Variants in TANC2 observed in about 807,000 individuals in gnomAD.
TANC2 encodes tetratricopeptide repeat, ankyrin repeat and coiled-coil containing 2, also known as protein TANC2.
Under a neutral mutation model 210.5 loss-of-function variants are expected in TANC2, and 26 were observed. The observed-to-expected ratio is 0.12, with a 90% confidence interval of 0.09 to 0.17. The LOEUF (loss-of-function observed/expected upper bound fraction) is 0.17, where lower values mean the gene tolerates loss of function less well. TANC2 is among the 10% of genes least tolerant of loss of function. The pLI, the probability that TANC2 is intolerant of heterozygous loss-of-function variation, is 1.00. For synonymous variants in TANC2, 931 were observed against 967.1 expected (o/e 0.96, Z 0.69); for missense variants, 2,129 against 2,608.9 (o/e 0.82, Z 4.01).
At chr17:63,314,342 A>G (rs184939935) in intron 9 of TANC2, 46 bp from the exon 10 acceptor site, 62 of 1,599,148 alleles carry the variant, frequency 3.9e-5, no homozygotes, top group Middle Eastern at 3.4e-4. Flanking sequence ...GTTTCTCTCA[A>G]TGTTGACAGT....
At position 63,418,404 on chromosome 17, in the gene TANC2, G is replaced by A. The variant is rs2048929361; in HGVS notation, c.4265G>A (p.Ser1422Asn). ...GCGAGAGCAAGGGCAAAACGCAGCA[G>A]CAGGTGAGGAGAGAGAGAGAGGGTG... The change falls in exon 27 of 28, where the codon AGC (serine) becomes AAC (asparagine). Residue 1422 changes from serine to asparagine, a missense_variant. Coordinates refer to ENST00000689528, the Ensembl canonical transcript of TANC2. The surrounding 1 kb of genome is among the most constrained non-coding windows in gnomAD (Gnocchi z 4.6). 1.2e-6 allele frequency: 2 copies of A among 1,611,168 alleles called. No individual in the cohort carries two copies. Among genetic ancestry groups the A allele is most frequent in the Non-Finnish European group, 8.5e-7 (1 of 1,178,656 alleles).
chr17:63,044,537 G>T (rs911807117), intron 2 of TANC2, among the ~76,000 whole-genome samples: 1 of 151,720 alleles, frequency 6.6e-6, no homozygotes, highest in Non-Finnish European at 1.5e-5. Flanking sequence ...GGTCTTTTTT[G>T]TGTGTGTGAT....
At chr17:63,029,846 T>A (rs991479724) in intron 2 of TANC2, among the ~76,000 whole-genome samples, 3 of 152,144 alleles carry the variant, frequency 2.0e-5, no homozygotes, top group Non-Finnish European at 2.9e-5. Flanking sequence ...AAGTTAATAG[T>A]GGTCCAAATA....
intron 14 of TANC2, among the ~76,000 whole-genome samples, 193 bp downstream of exon 14, chr17:63,355,583 C>A (rs1010520344): frequency 6.6e-6 from 1 of 152,154 alleles, no homozygotes; most frequent in African/African-American, 2.4e-5. Context: ...CCTTAAGACT[C>A]AACATCTGCA....
chr17:63,056,031 G>A (rs1182914183), intron 2 of TANC2, among the ~76,000 whole-genome samples: 1 of 108,362 alleles, frequency 9.2e-6, no homozygotes, highest in Non-Finnish European at 1.9e-5. Context: ...ATATGCCAGG[G>A]GTGGTGGCTC....
rs16946906 is a variant in TANC2, at chr17:63,399,217, A to T, written c.3331+303A>T. On this transcript the variant is annotated intron_variant, in intron 19 of 27. Transcript: ENST00000689528. ...ACAATGTGCCAAACCAGAGCAGAAA[A>T]TTATTGTGGCCTGTCTCCTTTTTAT... The T allele has an allele frequency of 2.6e-3, 473 of 181,876 alleles. 1 individual carries two copies. The highest frequency in any genetic ancestry group is 0.011 in the African/African-American group (456 of 42,682). 11.3% of individuals were successfully genotyped at this position (181,876 alleles called of 1,614,324 possible).
At chr17:63,341,583 T>A (rs1194777148) in intron 12 of TANC2, among the ~76,000 whole-genome samples, 1 of 152,204 alleles carries the variant, frequency 6.6e-6, no homozygotes, top group Non-Finnish European at 1.5e-5. Flanking sequence ...AATTTATAAC[T>A]CCTCATTGCT....
chr17:63,046,763 C>T (rs1027025767), intron 2 of TANC2, among the ~76,000 whole-genome samples: 1 of 151,898 alleles, frequency 6.6e-6, no homozygotes, highest in Admixed American at 6.6e-5. Context: ...TATGCATAAC[C>T]AGTAAAGACA....
intron 7 of TANC2, among the ~76,000 whole-genome samples, chr17:63,236,095 TA>T (rs1334509765): frequency 6.6e-6 from 1 of 152,064 alleles, no homozygotes; most frequent in Non-Finnish European, 1.5e-5. Context: ...TATTTTATTC[TA>T]ATTCTTTGTT....
At chr17:63,167,150 ATCT>A (rs923716395) in intron 5 of TANC2, among the ~76,000 whole-genome samples, 17 of 152,180 alleles carry the variant, frequency 1.1e-4, no homozygotes, top group African/African-American at 3.9e-4. Flanking sequence ...ACTAACTTTG[ATCT>A]AAGTTTGAAC....
intron 2 of TANC2, among the ~76,000 whole-genome samples, chr17:63,016,375 G>C (rs1034993754): frequency 6.6e-6 from 1 of 152,194 alleles, no homozygotes; most frequent in Admixed American, 6.5e-5. Context: ...AGCACTTCGA[G>C]ACCAGCCTGG....
chr17:63,331,593 A>C (rs1204556892), intron 11 of TANC2, among the ~76,000 whole-genome samples: 2 of 152,224 alleles, frequency 1.3e-5, no homozygotes, highest in African/African-American at 4.8e-5. Context: ...AAAATCACTC[A>C]GCATTAGATC....
chr17:63,210,190 C>T (rs1036809317), intron 7 of TANC2, among the ~76,000 whole-genome samples: 1 of 152,206 alleles, frequency 6.6e-6, no homozygotes, highest in Admixed American at 6.5e-5. Context: ...AAGGCTGACT[C>T]TCAGCCTTTC....
intron 2 of TANC2, among the ~76,000 whole-genome samples, chr17:63,067,437 T>C (rs960157756): frequency 4.6e-5 from 7 of 152,060 alleles, no homozygotes; most frequent in Non-Finnish European, 7.4e-5. Flanking sequence ...TGAAAAGTCT[T>C]AAATTTTTAT....
In TANC2 at chr17:63,104,388, A is replaced by C. The variant is rs562931319; in HGVS notation, c.322+5031A>C. ...ATTTACCCATTATGTACATTTGTTA[A>C]ATTTAGTAAAACTTAAATTTTGCAT... On this transcript the variant is annotated intron_variant, in intron 4 of 27. Transcript: ENST00000689528. Among the ~76,000 whole-genome samples, 12 of 152,294 alleles carry C rather than the reference A, an allele frequency of 7.9e-5. 1 individual carries two copies. In the South Asian group the frequency reaches 2.5e-3, roughly 32 times the overall value.
intron 9 of TANC2, among the ~76,000 whole-genome samples, chr17:63,289,285 C>A (rs2044314464): frequency 6.6e-6 from 1 of 151,924 alleles, no homozygotes; most frequent in Admixed American, 6.6e-5. Flanking sequence ...TCTTTTTTCT[C>A]CTTCTGGTAT....
At chr17:63,355,049 C>T (rs1031053921) in exon 14 of TANC2, 4 of 1,613,922 alleles carry the variant, frequency 2.5e-6, no homozygotes, top group African/African-American at 1.3e-5. Context: ...TGTTAAAGAG[C>T]TCTAGCTACA....
intron 2 of TANC2, among the ~76,000 whole-genome samples, chr17:63,013,752 A>ACCCT (rs1166654418): frequency 1.7e-5 from 2 of 114,974 alleles, no homozygotes; most frequent in Admixed American, 2.2e-4. Flanking sequence ...ACAGAGTGAG[A>ACCCT]CCCTGTCTTT....
At chr17:63,187,118 TGA>T (rs1479052061) in intron 5 of TANC2, among the ~76,000 whole-genome samples, 3 of 152,182 alleles carry the variant, frequency 2.0e-5, no homozygotes, top group African/African-American at 7.2e-5. Context: ...TGAGAAATTT[TGA>T]GAGTTTTGAG....
Sources: gnomAD v4.1 joint callset for allele counts (sites outside exome capture counted in the v4.1 genomes callset) on GRCh38, gnomAD v4.1.1 for gene constraint, Gnocchi (gnomAD v3.1) non-coding constraint, MANE v1.5 for transcripts, NCBI Gene and HGNC (gene_info 2026-07-23, HGNC 2026-07-21) for gene names.